Variants in ANAPC4 observed in about 807,000 individuals in gnomAD.
ANAPC4 encodes anaphase-promoting complex subunit 4.
ANAPC4 carries 63 observed loss-of-function variants against 119.8 expected under a neutral mutation model. That is an observed-to-expected ratio of 0.53 (90% CI 0.43 to 0.65). The LOEUF (loss-of-function observed/expected upper bound fraction) is 0.65. Ranked by LOEUF, ANAPC4 falls within the 30% of genes least tolerant of loss-of-function variation. The pLI is 0.00. For missense variants in ANAPC4, 716 were observed against 945.1 expected, an observed-to-expected ratio of 0.76 and a Z score of 3.18; for synonymous variants, 283 against 318.6, an observed-to-expected ratio of 0.89 and a Z score of 1.19.
intron 3 of ANAPC4, among the ~76,000 whole-genome samples, chr4:25,382,642 G>A (rs1721803637): frequency 6.6e-6 from 1 of 152,134 alleles, no homozygotes; most frequent in African/African-American, 2.4e-5. Context: ...AAGAAGGCTG[G>A]GATTGGTTCA....
In ANAPC4 at chr4:25,416,559, A is replaced by G; in HGVS notation, c.2036A>G (p.Asp679Gly). 1 of 1,578,838 alleles carries G rather than the reference A, an allele frequency of 6.3e-7. No individual in the cohort carries two copies. The highest frequency in any genetic ancestry group is 8.6e-7 in the Non-Finnish European group (1 of 1,156,684). The change falls in exon 27 of 29, where the codon GAT becomes GGT. Residue 679 changes from aspartate (D) to glycine (G), a missense_variant. This residue lies in a region of ANAPC4 where 504 missense variants were observed against 615.8 expected (regional missense o/e 0.82). Coordinates refer to ENST00000315368, the MANE Select transcript of ANAPC4 (RefSeq NM_013367.3). ...TTGTCTTTAGTATATAACAGTGAAG[A>G]TTCTGCAGAATATCAGTTCACTGGG... ...LPLSLVYNSEDSAEYQFTGTY... is the reference protein window; with the variant it reads ...LPLSLVYNSEGSAEYQFTGTY...
At chr4:25,392,668 A>G (rs981985725) in intron 10 of ANAPC4, among the ~76,000 whole-genome samples, 2 of 146,316 alleles carry the variant, frequency 1.4e-5, no homozygotes, top group Admixed American at 7.1e-5. Context: ...ATAAAATACC[A>G]TTTACATTAT....
Position 25,405,470 on chromosome 4 carries a change from A to C in ANAPC4, c.1271-103A>C, listed in dbSNP as rs1723199546. The C allele has an allele frequency of 3.0e-6, 3 of 1,006,200 alleles. No individual in the cohort carries two copies. Among genetic ancestry groups the C allele is most frequent in the Non-Finnish European group, 4.5e-6 (3 of 671,448 alleles). 62.3% of individuals were successfully genotyped at this position (1,006,200 alleles called of 1,614,324 possible). On this transcript the variant is annotated intron_variant, in intron 17 of 28. Coordinates refer to ENST00000315368, the MANE Select transcript of ANAPC4 (RefSeq NM_013367.3). The surrounding 1 kb of genome is among the most constrained non-coding windows in gnomAD (Gnocchi z 4.6). ...GTTGGTGAAAAGCTGTGTAAAATTG[A>C]AGATTTAGTTCAGTCAAACACCTTG...
At chr4:25,416,329 A>C (rs939055024) in intron 26 of ANAPC4, 96 bp from the exon 27 acceptor site, 6 of 740,122 alleles carry the variant, frequency 8.1e-6, no homozygotes, top group Middle Eastern at 3.3e-4. Flanking sequence ...CTTAACTTTT[A>C]AATTTTTTTC....
chr4:25,385,756 A>G (rs1195124941), intron 4 of ANAPC4, among the ~76,000 whole-genome samples: 1 of 152,148 alleles, frequency 6.6e-6, no homozygotes, highest in Admixed American at 6.5e-5. Flanking sequence ...TTTGATTTAA[A>G]GTGAGACAGT....
intron 3 of ANAPC4, among the ~76,000 whole-genome samples, chr4:25,382,994 T>C (rs145762349): frequency 5.3e-5 from 8 of 152,342 alleles, no homozygotes; most frequent in African/African-American, 1.9e-4. Context: ...TCTGGAAACT[T>C]TGATGTGTAA....
At chr4:25,394,504 T>C (rs1722528475) in intron 12 of ANAPC4, 130 bp downstream of exon 12, 5 of 1,005,510 alleles carry the variant, frequency 5.0e-6, no homozygotes, top group African/African-American at 3.3e-5. Flanking sequence ...TGATACATAA[T>C]GTGTTACATA....
In ANAPC4 at chr4:25,413,930, C is replaced by CGTGTGT. The variant is rs72141989; in HGVS notation, c.1623+205_1623+210dup. The stretch of plus-strand genomic sequence containing the variant: ...TACTCCAACTTAAGTTTCTTACACA[C>CGTGTGT]GTGTGTGTGTGTGTGTGTGTGTATA... On this transcript the variant is annotated intron_variant, in intron 22 of 28. Coordinates refer to ENST00000315368, the MANE Select transcript of ANAPC4 (RefSeq NM_013367.3). 241 of 511,486 alleles carry CGTGTGT rather than the reference C, an allele frequency of 4.7e-4. 1 individual carries two copies. The highest frequency in any genetic ancestry group is 2.4e-3 in the African/African-American group (121 of 50,268). The allele number at this position is 511,486 out of a possible 1,614,324, so 31.7% of individuals were successfully genotyped here.
At chr4:25,414,292 C>G (rs1723739292) in intron 22 of ANAPC4, 32 bp from the exon 23 acceptor site, 1 of 1,403,060 alleles carries the variant, frequency 7.1e-7, no homozygotes, top group Non-Finnish European at 9.8e-7. Flanking sequence ...TATTAACGCT[C>G]TAATTATATT....
intron 19 of ANAPC4, among the ~76,000 whole-genome samples, 154 bp downstream of exon 19, chr4:25,407,039 C>T (rs1156762273): frequency 1.3e-5 from 2 of 152,102 alleles, no homozygotes; most frequent in African/African-American, 4.8e-5. Context: ...TAAACATAGT[C>T]AATAAACCAG....
At chr4:25,377,700 C>G (rs77104342) in intron 2 of ANAPC4, 144 bp downstream of exon 2, 4 of 1,213,306 alleles carry the variant, frequency 3.3e-6, no homozygotes, top group Non-Finnish European at 3.4e-6. Flanking sequence ...ACCTGCTACC[C>G]CTTCCCTGCC....
At chr4:25,391,119 A>T in intron 9 of ANAPC4, 104 bp downstream of exon 9, 7 of 819,094 alleles carry the variant, frequency 8.5e-6, no homozygotes, top group Non-Finnish European at 1.3e-5. Flanking sequence ...CATTAAAATA[A>T]TGCAAAAAAA....
intron 23 of ANAPC4, 34 bp from the exon 24 acceptor site, chr4:25,414,432 A>C: frequency 2.5e-6 from 4 of 1,598,016 alleles, no homozygotes; most frequent in African/African-American, 1.3e-5. Context: ...AGCCAATTTA[A>C]ATTTTTCTCA....
At chr4:25,406,475 C>G (rs1033709081) in intron 18 of ANAPC4, among the ~76,000 whole-genome samples, 1 of 152,178 alleles carries the variant, frequency 6.6e-6, no homozygotes, top group East Asian at 1.9e-4. Flanking sequence ...CAGCCCTTAA[C>G]TAAGGGTGAC....
intron 2 of ANAPC4, among the ~76,000 whole-genome samples, 194 bp downstream of exon 2, chr4:25,377,750 G>A (rs551783989): frequency 6.6e-6 from 1 of 152,356 alleles, no homozygotes; most frequent in East Asian, 1.9e-4. Flanking sequence ...TATGCGAAAG[G>A]TGATGTCTGT....
At position 25,405,603 on chromosome 4, in the gene ANAPC4, T is replaced by C; in HGVS notation, c.1301T>C (p.Leu434Pro). 6.2e-7 allele frequency: 1 copy of C among 1,613,696 alleles called. No homozygotes were observed. Among genetic ancestry groups the C allele is most frequent in the Non-Finnish European group, 8.5e-7 (1 of 1,179,710 alleles). Residue 434 changes from leucine to proline, a missense_variant, in exon 18 of 29, where the codon CTT becomes CCT. Physicochemically the swap from Leu to Pro is moderately conservative, Grantham distance 98. Around this residue, in one of 3 missense-constraint regions of ANAPC4, gnomAD observed 504 missense variants for 615.8 expected, o/e 0.82. Transcript: ENST00000315368. This position sits in a 1 kb window ranked among gnomAD's most constrained non-coding sequence, Gnocchi z 4.6. ...TTGAGAATGACAGAAGACCATGTGC[T>C]TCCCGAGCTGAATAAGGTAGTATGT... ...AMLRMTEDHV[L>P]PELNKMTQKD...
At chr4:25,387,534 T>A (rs951429387) in intron 4 of ANAPC4, among the ~76,000 whole-genome samples, 2 of 152,192 alleles carry the variant, frequency 1.3e-5, no homozygotes, top group African/African-American at 4.8e-5. Flanking sequence ...GAGCATATCA[T>A]GTAATTCCTA....
At chr4:25,406,747 C>T in intron 18 of ANAPC4, 82 bp from the exon 19 acceptor site, 2 of 1,058,332 alleles carry the variant, frequency 1.9e-6, no homozygotes, top group Middle Eastern at 2.7e-4. Flanking sequence ...GTAAAAATGT[C>T]ACATTTATAA....
chr4:25,406,919 A>G, intron 19 of ANAPC4, 34 bp downstream of exon 19: 1 of 1,497,742 alleles, frequency 6.7e-7, no homozygotes, highest in South Asian at 1.2e-5. Flanking sequence ...TGCAGTTTAA[A>G]AAAAAATTAC....
Sources: gnomAD v4.1 joint callset for allele counts (sites outside exome capture counted in the v4.1 genomes callset) on GRCh38, gnomAD v4.1.1 for gene constraint, gnomAD v4.1.1 regional missense constraint, Gnocchi (gnomAD v3.1) non-coding constraint, MANE v1.5 for transcripts, NCBI Gene and HGNC (gene_info 2026-07-23, HGNC 2026-07-21) for gene names.